PIEZO2: variants seen among roughly 807,000 people sequenced by gnomAD.
The protein encoded by PIEZO2 is piezo type mechanosensitive ion channel component 2.
A neutral mutation model predicts 337.3 loss-of-function variants in PIEZO2; 172 were observed. The ratio of observed to expected loss-of-function variants is 0.51; its 90% CI spans 0.45 to 0.58. PIEZO2 has a LOEUF of 0.58. Ranked by LOEUF, PIEZO2 falls within the 20% of genes least tolerant of loss-of-function variation. The probability of loss-of-function intolerance (pLI) is 0.00; values close to 1 mark genes in which losing one functional copy is unlikely to be tolerated. For missense variants in PIEZO2, 3,028 were observed against 3,391.3 expected, an observed-to-expected ratio of 0.89 and a Z score of 2.66; for synonymous variants, 1,251 against 1,228.5, an observed-to-expected ratio of 1.02 and a Z score of -0.38.
At chr18:10,922,833 A>G (rs1225397976) in intron 3 of PIEZO2, among the ~76,000 whole-genome samples, 1 of 152,200 alleles carries the variant, frequency 6.6e-6, no homozygotes, top group African/African-American at 2.4e-5. Context: ...GAACTATAAC[A>G]TACAGAACAC....
chr18:11,073,503 T>G (rs2145947585), intron 1 of PIEZO2, among the ~76,000 whole-genome samples: 1 of 152,286 alleles, frequency 6.6e-6, no homozygotes, highest in Admixed American at 6.5e-5. Context: ...CCGAGTCAGC[T>G]TGGAGGCAGG....
chr18:11,073,054 T>G (rs1292433541), intron 1 of PIEZO2, among the ~76,000 whole-genome samples: 1 of 152,220 alleles, frequency 6.6e-6, no homozygotes, highest in Non-Finnish European at 1.5e-5. Context: ...GCAATCAAAA[T>G]ACATATATTA....
At chr18:11,098,807 AT>A (rs934080310) in intron 1 of PIEZO2, among the ~76,000 whole-genome samples, 9 of 150,970 alleles carry the variant, frequency 6.0e-5, no homozygotes, top group Admixed American at 1.3e-4. Context: ...TTTAAAAAAA[AT>A]TTTTTTTGAG....
intron 3 of PIEZO2, among the ~76,000 whole-genome samples, chr18:10,966,414 T>A (rs2034002279): frequency 6.6e-6 from 1 of 152,224 alleles, no homozygotes; most frequent in Admixed American, 6.5e-5. Context: ...TTCTCCACTG[T>A]CAATCCCTCT....
At position 11,148,595 on chromosome 18, in the gene PIEZO2, G is replaced by T. The variant is rs1056088910; in HGVS notation, c.-7C>A. Reference sequence around the variant, plus strand: ...ACACCACTTCTGAGGCCATCGCGTCGGTCCGGCGAGTCGGAGCAGAGGGGC... The same window carrying T: ...ACACCACTTCTGAGGCCATCGCGTCTGTCCGGCGAGTCGGAGCAGAGGGGC... On this transcript the variant is annotated 5_prime_UTR_variant, in exon 1 of 56. Transcript: ENST00000674853. The surrounding 1 kb of genome is among the most constrained non-coding windows in gnomAD (Gnocchi z 5.2). The T allele has an allele frequency of 1.3e-6, 2 of 1,536,968 alleles. No homozygotes were observed. The highest frequency in any genetic ancestry group is 1.7e-6 in the Non-Finnish European group (2 of 1,146,836).
chr18:10,675,312 A>G, intron 53 of PIEZO2, 24 bp from the exon 54 acceptor site: 1 of 1,379,500 alleles, frequency 7.2e-7, no homozygotes, highest in Non-Finnish European at 9.8e-7. Flanking sequence ...AAAAAAAGAT[A>G]CAATTACGTT....
At chr18:11,117,984 G>A (rs1359717075) in intron 1 of PIEZO2, among the ~76,000 whole-genome samples, 1 of 152,194 alleles carries the variant, frequency 6.6e-6, no homozygotes, top group Non-Finnish European at 1.5e-5. Flanking sequence ...TAAGCTTTCT[G>A]TTTATGTACT....
chr18:10,974,877 C>A (rs989568174), intron 3 of PIEZO2, among the ~76,000 whole-genome samples: 1 of 152,214 alleles, frequency 6.6e-6, no homozygotes, highest in Non-Finnish European at 1.5e-5. Flanking sequence ...CGCTGCTTCC[C>A]GCTGGATGGA....
chr18:10,832,936 G>C (rs571821515), intron 7 of PIEZO2, among the ~76,000 whole-genome samples: 1 of 152,048 alleles, frequency 6.6e-6, no homozygotes, highest in African/African-American at 2.4e-5. Context: ...GGCTGGAGGA[G>C]CCCACGTTTC....
rs1267280257 is a variant in PIEZO2 at position 10,943,800 on chromosome 18, G to T, written c.287-32572C>A. Among the ~76,000 whole-genome samples the T allele has an allele frequency of 6.6e-6, 1 of 152,118 alleles. No individual in the cohort carries two copies. The highest frequency in any genetic ancestry group is 1.5e-5 in the Non-Finnish European group (1 of 67,984). On this transcript the variant is annotated intron_variant, in intron 3 of 55. Coordinates refer to ENST00000674853, the MANE Select transcript of PIEZO2 (RefSeq NM_001378183.1). This position sits in a 1 kb window ranked among gnomAD's most constrained non-coding sequence, Gnocchi z 4.5. ...TCTGTGTCTCCATACAGAGATATGTGAGAGTTGCAGAAGGGACCCGGTGGG... is the reference window on the plus strand; with the variant it reads ...TCTGTGTCTCCATACAGAGATATGTTAGAGTTGCAGAAGGGACCCGGTGGG...
At chr18:11,065,515 CA>C (rs915698765) in intron 2 of PIEZO2, among the ~76,000 whole-genome samples, 1 of 152,212 alleles carries the variant, frequency 6.6e-6, no homozygotes, top group African/African-American at 2.4e-5. Flanking sequence ...TTATAGTCAC[CA>C]CTTTATATTC....
chr18:10,812,960 T>C (rs1006403500), intron 7 of PIEZO2, among the ~76,000 whole-genome samples: 1 of 151,278 alleles, frequency 6.6e-6, no homozygotes, highest in Non-Finnish European at 1.5e-5. Context: ...AAAATACACA[T>C]AACATAAAGC....
intron 2 of PIEZO2, among the ~76,000 whole-genome samples, chr18:11,056,636 C>T (rs78973423): frequency 6.6e-6 from 1 of 152,084 alleles, no homozygotes; most frequent in Non-Finnish European, 1.5e-5. Context: ...GGAACATCAA[C>T]AAGGCAGGAA....
At chr18:10,961,105 C>T (rs572319817) in intron 3 of PIEZO2, among the ~76,000 whole-genome samples, 1 of 150,824 alleles carries the variant, frequency 6.6e-6, no homozygotes, top group Non-Finnish European at 1.5e-5. Flanking sequence ...GGTGTGAACC[C>T]GGGAGGCAGA....
At chr18:10,823,796 T>C (rs1448278991) in intron 7 of PIEZO2, among the ~76,000 whole-genome samples, 2 of 152,240 alleles carry the variant, frequency 1.3e-5, no homozygotes, top group African/African-American at 2.4e-5. Context: ...ACATGAATGG[T>C]GAATGGCTTT....
intron 39 of PIEZO2, among the ~76,000 whole-genome samples, chr18:10,711,258 T>C (rs528417550): frequency 8.1e-4 from 123 of 152,348 alleles, no homozygotes; most frequent in African/African-American, 2.9e-3. Context: ...TTCATTGTTA[T>C]GTAGTTAAAA....
At position 11,066,263 on chromosome 18, in the gene PIEZO2, C is replaced by G. The variant is rs1488212073; in HGVS notation, c.65-41G>C. 4.1e-6 allele frequency: 6 copies of G among 1,478,310 alleles called. No individual in the cohort carries two copies. In the South Asian group the frequency reaches 7.3e-5, roughly 18 times the overall value. 91.6% of individuals were successfully genotyped at this position (1,478,310 alleles called of 1,614,324 possible). A position where few individuals can be genotyped will look rare whatever the true frequency, so the allele number is the denominator to read the frequency against. On this transcript the variant is annotated intron_variant, in intron 1 of 55. Coordinates refer to ENST00000674853, the MANE Select transcript of PIEZO2 (RefSeq NM_001378183.1). ...GAGAAGAGAGTGAGAAGATCATTAA[C>G]AAAGGCAGGTTGACAAAACCAGGGG...
intron 1 of PIEZO2, among the ~76,000 whole-genome samples, chr18:11,098,901 G>A (rs8085045): frequency 0.046 from 7,002 of 151,796 alleles, 529 homozygotes; most frequent in African/African-American, 0.16. Flanking sequence ...AGGCTCAAGC[G>A]ATCCTCCCAC....
intron 10 of PIEZO2, among the ~76,000 whole-genome samples, chr18:10,800,916 C>T (rs1030032352): frequency 3.3e-5 from 5 of 152,370 alleles, no homozygotes; most frequent in African/African-American, 1.2e-4. Context: ...CCCTATGTGG[C>T]TCTGCACAGG....
Sources: allele counts gnomAD v4.1 joint callset (sites outside exome capture counted in the v4.1 genomes callset), GRCh38; gene constraint gnomAD v4.1.1; non-coding constraint Gnocchi (gnomAD v3.1); transcripts MANE v1.5; gene names NCBI Gene and HGNC (gene_info 2026-07-23, HGNC 2026-07-21).